STXBP5L: variants seen among roughly 807,000 people sequenced by gnomAD.
STXBP5L encodes the protein syntaxin binding protein 5L, also known as syntaxin-binding protein 5-like.
Under a neutral mutation model 144.5 loss-of-function variants are expected in STXBP5L, and 65 were observed. The observed-to-expected ratio is 0.45, with a 90% CI of 0.37 to 0.55. The LOEUF is 0.55. Ranked by LOEUF, STXBP5L falls within the 20% of genes least tolerant of loss-of-function variation. STXBP5L has a pLI of 0.00. For missense variants in STXBP5L, 1,298 were observed against 1,405.5 expected, an observed-to-expected ratio of 0.92 and a Z score of 1.22; for synonymous variants, 505 against 469.6, an observed-to-expected ratio of 1.08 and a Z score of -0.97.
intron 20 of STXBP5L, among the ~76,000 whole-genome samples, chr3:121,320,354 A>C (rs755705609): frequency 1.3e-5 from 2 of 152,136 alleles, no homozygotes; most frequent in Non-Finnish European, 2.9e-5. Flanking sequence ...GCTTGCATCC[A>C]GGAAACTTGC....
At chr3:121,132,874 C>A (rs2045059537) in intron 7 of STXBP5L, among the ~76,000 whole-genome samples, 1 of 151,780 alleles carries the variant, frequency 6.6e-6, no homozygotes. Flanking sequence ...CAATAGCAGG[C>A]TACATAAAGT....
chr3:121,251,481 A>C (rs2050024610), intron 15 of STXBP5L, among the ~76,000 whole-genome samples: 1 of 152,204 alleles, frequency 6.6e-6, no homozygotes, highest in South Asian at 2.1e-4. Context: ...ATTTAGTGTG[A>C]GTTTTGGAAG....
intron 2 of STXBP5L, among the ~76,000 whole-genome samples, chr3:120,948,445 G>A (rs1022054540): frequency 6.6e-6 from 1 of 151,708 alleles, no homozygotes; most frequent in African/African-American, 2.4e-5. Context: ...GGAACAGGTG[G>A]TTTTTGGTTA....
chr3:120,977,279 G>T (rs1430295424), intron 3 of STXBP5L, among the ~76,000 whole-genome samples: 1 of 152,196 alleles, frequency 6.6e-6, no homozygotes, highest in African/African-American at 2.4e-5. Flanking sequence ...TTGTTGAATT[G>T]ATCCCTTTAC....
intron 22 of STXBP5L, among the ~76,000 whole-genome samples, chr3:121,392,061 C>T (rs867376081): frequency 1.2e-4 from 18 of 152,128 alleles, no homozygotes; most frequent in Non-Finnish European, 1.5e-4. Context: ...GGGCTCCATC[C>T]AGTTTGTTTC....
At chr3:121,136,564 T>A (rs1341761740) in intron 7 of STXBP5L, among the ~76,000 whole-genome samples, 1 of 152,196 alleles carries the variant, frequency 6.6e-6, no homozygotes, top group Non-Finnish European at 1.5e-5. Flanking sequence ...ATTACTACAA[T>A]TTTTTAAAAA....
intron 20 of STXBP5L, among the ~76,000 whole-genome samples, chr3:121,358,094 G>A (rs2045587629): frequency 6.6e-6 from 1 of 152,116 alleles, no homozygotes; most frequent in Non-Finnish European, 1.5e-5. Flanking sequence ...ATCCCCTCAA[G>A]CATTTATCCT....
intron 3 of STXBP5L, among the ~76,000 whole-genome samples, chr3:120,987,276 C>T (rs146311276): frequency 4.3e-4 from 66 of 151,998 alleles, no homozygotes; most frequent in Non-Finnish European, 8.6e-4. Flanking sequence ...ACATTATTAC[C>T]AGAATATTGT....
chr3:120,984,668 G>T (rs1576574281), intron 3 of STXBP5L, among the ~76,000 whole-genome samples: 2 of 100,248 alleles, frequency 2.0e-5, no homozygotes, highest in African/African-American at 4.5e-5. Flanking sequence ...TAATTGCTCT[G>T]GCTAGAACTT....
chr3:120,997,883 TAAG>T (rs1287621133), intron 3 of STXBP5L, among the ~76,000 whole-genome samples: 2 of 152,146 alleles, frequency 1.3e-5, no homozygotes, highest in African/African-American at 4.8e-5. Context: ...GCTGATCCAC[TAAG>T]ATCAAATACA....
chr3:121,168,583 G>A (rs993058112), intron 9 of STXBP5L, among the ~76,000 whole-genome samples: 1 of 152,096 alleles, frequency 6.6e-6, no homozygotes, highest in African/African-American at 2.4e-5. Context: ...GTGTAAGACA[G>A]GATAACAGAG....
chr3:121,112,540 G>A (rs570316467), intron 5 of STXBP5L, among the ~76,000 whole-genome samples: 8 of 151,722 alleles, frequency 5.3e-5, no homozygotes, highest in South Asian at 2.1e-4. Flanking sequence ...TGCAGTTTTC[G>A]TTCTTCTCTC....
At chr3:121,364,424 C>T (rs1188765402) in intron 20 of STXBP5L, among the ~76,000 whole-genome samples, 2 of 150,780 alleles carry the variant, frequency 1.3e-5, no homozygotes, top group Non-Finnish European at 3.0e-5. Flanking sequence ...ATTATTTTGG[C>T]TATTAGATTT....
intron 22 of STXBP5L, among the ~76,000 whole-genome samples, chr3:121,397,913 T>C (rs1158682392): frequency 6.6e-6 from 1 of 152,226 alleles, no homozygotes; most frequent in African/African-American, 2.4e-5. Flanking sequence ...GCCAGTGCTG[T>C]AGAGAAATGA....
intron 19 of STXBP5L, among the ~76,000 whole-genome samples, chr3:121,304,086 C>A (rs1421073079): frequency 6.6e-6 from 1 of 151,158 alleles, no homozygotes; most frequent in Non-Finnish European, 1.5e-5. Context: ...AAACACTATC[C>A]CCAAAAAAGC....
chr3:120,968,081 T>C (rs745360992), intron 3 of STXBP5L, among the ~76,000 whole-genome samples: 3 of 152,198 alleles, frequency 2.0e-5, no homozygotes, highest in South Asian at 2.1e-4. Flanking sequence ...TCTGCGGCTA[T>C]TGGATGCAAT....
intron 19 of STXBP5L, among the ~76,000 whole-genome samples, chr3:121,281,975 T>A (rs2051075510): frequency 6.6e-6 from 1 of 151,380 alleles, no homozygotes. Flanking sequence ...CCATCTACTT[T>A]TATAAGACAT....
intron 3 of STXBP5L, among the ~76,000 whole-genome samples, chr3:121,039,952 A>ATAGG (rs1001115711): frequency 6.7e-6 from 1 of 148,950 alleles, no homozygotes; most frequent in African/African-American, 2.5e-5. Flanking sequence ...TTTGAGATAG[A>ATAGG]TAGGTAGATA....
chr3:121,255,221 C>T, intron 16 of STXBP5L, 109 bp downstream of exon 16: 1 of 672,428 alleles, frequency 1.5e-6, no homozygotes, highest in Non-Finnish European at 2.3e-6. Flanking sequence ...CAGTATGTGG[C>T]TAGTAATACA....
Sources: gnomAD v4.1 joint callset for allele counts (sites outside exome capture counted in the v4.1 genomes callset) on GRCh38, gnomAD v4.1.1 for gene constraint, MANE v1.5 for transcripts, NCBI Gene and HGNC (gene_info 2026-07-23, HGNC 2026-07-21) for gene names.